The following POLD2 variants were observed in gnomAD, a reference collection of about 807,000 sequenced individuals.
POLD2 encodes the protein DNA polymerase delta 2, accessory subunit.
In POLD2, 31 loss-of-function variants were observed where a neutral mutation model predicts 48.8. The ratio of observed to expected loss-of-function variants is 0.64; its 90% CI spans 0.48 to 0.86. The LOEUF (loss-of-function observed/expected upper bound fraction) is 0.86. Among genes scored for constraint, POLD2 ranks in the 40% least tolerant of loss-of-function variants. POLD2 has a pLI of 0.00. For synonymous variants in POLD2, 233 were observed against 256.3 expected, an observed-to-expected ratio of 0.91 and a Z score of 0.87; for missense variants, 455 against 610.1, an observed-to-expected ratio of 0.75 and a Z score of 2.68.
In POLD2 at chr7:44,117,249, T is replaced by C. The variant is rs112735840; in HGVS notation, c.467-2A>G. ...AGCCAAACACAGCCAGGACAGTCCCTGGGGAGCAGTGGCATCAGGCCTGAG... is the reference window on the plus strand; with the variant it reads ...AGCCAAACACAGCCAGGACAGTCCCCGGGGAGCAGTGGCATCAGGCCTGAG... On this transcript the variant is annotated splice_acceptor_variant, in intron 4 of 10. Coordinates refer to ENST00000610533, the MANE Select transcript of POLD2 (RefSeq NM_006230.4). LOFTEE classifies it high-confidence loss of function. 1 of 1,608,686 alleles carries C rather than the reference T, an allele frequency of 6.2e-7. No individual in the cohort carries two copies. Among genetic ancestry groups the C allele is most frequent in the Non-Finnish European group, 8.5e-7 (1 of 1,175,594 alleles).
In POLD2 at chr7:44,117,143, C is replaced by G; in HGVS notation, c.571G>C (p.Asp191His). ...LAPQKPAPPL[D>H]TDRFVLLVSG... ...AGAACTGCTGCTCACCTATCTGTGTCAAGTGGGGGTGCGGGCTTCTGGGGA... is the reference window on the plus strand; with the variant it reads ...AGAACTGCTGCTCACCTATCTGTGTGAAGTGGGGGTGCGGGCTTCTGGGGA... The change falls in exon 5 of 11, where the codon GAC becomes CAC. Residue 191 changes from aspartate to histidine, a missense_variant. Around this residue, in one of 3 missense-constraint regions of POLD2, gnomAD observed 349 missense variants for 437.4 expected, o/e 0.80. Coordinates refer to ENST00000610533, the MANE Select transcript of POLD2 (RefSeq NM_006230.4). The G allele has an allele frequency of 6.2e-7, 1 of 1,613,874 alleles. No homozygotes were observed. The highest frequency in any genetic ancestry group is 8.5e-7 in the Non-Finnish European group (1 of 1,179,782).
At chr7:44,124,251 A>G (rs180947033), upstream of POLD2, 3,151 of 143,118 alleles carry the variant, frequency 0.022, 46 homozygotes, top group Non-Finnish European at 0.034. Flanking sequence ...GCTGTCTCCC[A>G]CTTTGGGAAT....
intron 2 of POLD2, among the ~76,000 whole-genome samples, chr7:44,118,622 C>T (rs1430176942): frequency 2.0e-5 from 3 of 152,232 alleles, no homozygotes; most frequent in African/African-American, 7.2e-5. Flanking sequence ...ACGCCATTCT[C>T]CTGCCTCAGC....
rs149901303 is a variant in POLD2 at position 44,116,680 on chromosome 7, G to A, written c.780+137C>T. 12,642 of 1,029,144 alleles carry A rather than the reference G, an allele frequency of 0.012. 103 individuals are homozygous for A. The highest frequency in any genetic ancestry group is 0.014 in the Non-Finnish European group (9,858 of 694,740). The allele number at this position is 1,029,144 out of a possible 1,614,324, so 63.8% of individuals were successfully genotyped here. ...GGCATGAGGAGCCCCATTGCAGGAG[G>A]CCCCAGAGTCACTGCAGGGCGCTTC... is the stretch of plus-strand genomic sequence containing the variant. On this transcript the variant is annotated intron_variant, in intron 6 of 10. Transcript: ENST00000610533. The surrounding 1 kb of genome is among the most constrained non-coding windows in gnomAD (Gnocchi z 6.1).
Position 44,116,842 on chromosome 7 carries a change from G to A in POLD2, c.755C>T (p.Thr252Ile). 6.2e-7 allele frequency: 1 copy of A among 1,613,910 alleles called. No individual in the cohort carries two copies. Among genetic ancestry groups the A allele is most frequent in the Non-Finnish European group, 8.5e-7 (1 of 1,180,010 alleles). ...CTTATTGATAGAATCCCTGCTCTGG[G>A]TGCTGTGGCTGAGGAGGTTGCCAGC... is the stretch of plus-strand genomic sequence containing the variant. ...ILAGNLLSHSTQSRDSINKAK... is the reference protein window; with the variant it reads ...ILAGNLLSHSIQSRDSINKAK... Residue 252 changes from threonine (T) to isoleucine (I), a missense_variant, in exon 6 of 11, where the codon ACC becomes ATC. Thr to Ile is a moderately conservative substitution (Grantham distance 89). Transcript: ENST00000610533. This position sits in a 1 kb window ranked among gnomAD's most constrained non-coding sequence, Gnocchi z 6.1.
rs1329980194 is a variant in POLD2, at chr7:44,118,015, C to A, written c.270G>T (p.Lys90Asn). ...KKLCELQPEEKCCVVGTLFKA... is the reference protein window; with the variant it reads ...KKLCELQPEENCCVVGTLFKA... ...TGAACAGAGTGCCCACCACACAGCA[C>A]TTCTCCTCAGGCTGCAGTTCACACA... is the stretch of plus-strand genomic sequence containing the variant. The change falls in exon 3 of 11, where the codon AAG (lysine) becomes AAT (asparagine). Residue 90 changes from lysine to asparagine, a missense_variant. Physicochemically the swap from Lys to Asn is moderately conservative, Grantham distance 94. Transcript: ENST00000610533. 1 of 1,614,254 alleles carries A rather than the reference C, an allele frequency of 6.2e-7. No individual in the cohort carries two copies. The highest frequency in any genetic ancestry group is 1.7e-5 in the Admixed American group (1 of 60,032).
chr7:44,118,558 G>A (rs2096243932), intron 2 of POLD2, among the ~76,000 whole-genome samples: 2 of 152,340 alleles, frequency 1.3e-5, no homozygotes, highest in South Asian at 4.1e-4. Flanking sequence ...TGTCATCCAG[G>A]CTGGAGTGCA....
chr7:44,117,116 C>A lies in POLD2; in HGVS notation c.581+17G>T. 6.2e-7 allele frequency: 1 copy of A among 1,611,326 alleles called. No homozygotes were observed. The highest frequency in any genetic ancestry group is 8.5e-7 in the Non-Finnish European group (1 of 1,177,582). On this transcript the variant is annotated intron_variant, in intron 5 of 10. Coordinates refer to ENST00000610533, the MANE Select transcript of POLD2 (RefSeq NM_006230.4). ...CTGACCATGAGCTGGTTCCAGCTCC[C>A]GAGAACTGCTGCTCACCTATCTGTG...
intron 2 of POLD2, among the ~76,000 whole-genome samples, chr7:44,119,811 A>G (rs1402843930): frequency 6.6e-6 from 1 of 152,266 alleles, no homozygotes; most frequent in Non-Finnish European, 1.5e-5. Flanking sequence ...GAGAACGACA[A>G]CAGGCCATAG....
intron 4 of POLD2, 117 bp downstream of exon 4, chr7:44,117,502 C>A: frequency 2.3e-6 from 3 of 1,286,656 alleles, no homozygotes; most frequent in Admixed American, 2.1e-5. Context: ...CAAGAACACA[C>A]GTGTGCCCAG....
rs3087368 is a variant in POLD2 at position 44,114,893 on chromosome 7, C to T, written c.1302G>A (p.Thr434=). 35,423 of 1,613,602 alleles carry T rather than the reference C, an allele frequency of 0.022. 499 individuals are homozygous for T. The highest frequency in any genetic ancestry group is 0.057 in the Middle Eastern group (348 of 6,062). ...LLVTVPDFSA[T]QTACLVNLRS... ...GCAGGTTCACAAGGCAGGCGGTCTG[C>T]GTGGCACTGAAGTCAGGGACAGTCA... is the stretch of plus-strand genomic sequence containing the variant. The change falls in exon 11 of 11, where the codon ACG becomes ACA. Residue 434 remains threonine (T), a synonymous_variant. Coordinates refer to ENST00000610533, the MANE Select transcript of POLD2 (RefSeq NM_006230.4).
rs546429678 is a variant in POLD2 at position 44,117,980 on chromosome 7, G to C, written c.305C>G (p.Pro102Arg). The C allele has an allele frequency of 3.0e-5, 48 of 1,614,050 alleles. No homozygotes were observed. In the Middle Eastern group the frequency reaches 1.2e-3, roughly 39 times the overall value. ...CTCCCGCAGGATGGAGGGCTGCAGCGGCATGGCCTTGAACAGAGTGCCCAC... is the reference window on the plus strand; with the variant it reads ...CTCCCGCAGGATGGAGGGCTGCAGCCGCATGGCCTTGAACAGAGTGCCCAC... ...CVVGTLFKAM[P>R]LQPSILREVS... The change falls in exon 3 of 11, where the codon CCG (proline) becomes CGG (arginine). Residue 102 changes from proline (P) to arginine (R), a missense_variant. Physicochemically the swap from Pro to Arg is moderately radical, Grantham distance 103. Coordinates refer to ENST00000610533, the MANE Select transcript of POLD2 (RefSeq NM_006230.4).
rs1296385640 is a variant in POLD2 at position 44,116,395 on chromosome 7, A to G, written c.861+35T>C. 1 of 1,576,422 alleles carries G rather than the reference A, an allele frequency of 6.3e-7. No individual in the cohort carries two copies. Among genetic ancestry groups the G allele is most frequent in the East Asian group, 2.3e-5 (1 of 42,984 alleles). ...CCCAGTGGCAGCTTTGAAGACTGCA[A>G]TCCCCATCACCCCTCCAGCCCCCAG... On this transcript the variant is annotated intron_variant, in intron 7 of 10. Transcript: ENST00000610533. The surrounding 1 kb of genome is among the most constrained non-coding windows in gnomAD (Gnocchi z 6.1).
rs966293764 is a variant in POLD2, at chr7:44,121,087, C to G, written c.220+747G>C. ...CAAGGACAGTAAAAATGAGTAAGAC[C>G]TGGTCTCACCTACTAAATCCTCAGT... On this transcript the variant is annotated intron_variant, in intron 2 of 10. Transcript: ENST00000610533. The surrounding 1 kb of genome is among the most constrained non-coding windows in gnomAD (Gnocchi z 4.5). Among the ~76,000 whole-genome samples the G allele has an allele frequency of 6.6e-6, 1 of 152,118 alleles. No homozygotes were observed. The highest frequency in any genetic ancestry group is 1.5e-5 in the Non-Finnish European group (1 of 68,030).
Position 44,117,669 on chromosome 7 carries a change from A to C in POLD2, c.416T>G (p.Leu139Arg). 6.2e-7 allele frequency: 1 copy of C among 1,611,514 alleles called. No homozygotes were observed. The highest frequency in any genetic ancestry group is 8.5e-7 in the Non-Finnish European group (1 of 1,178,898). The change falls in exon 4 of 11, where the codon CTG becomes CGG. Residue 139 changes from leucine (L) to arginine (R), a missense_variant. By Grantham distance (102) the Leu-to-Arg change is moderately radical (BLOSUM62 -2). Transcript: ENST00000610533. ...GGTGCCTTTTAGTTTGATACGCTGCAGTTCATCTTCCAAGACCAGCTCGTC... is the reference window on the plus strand; with the variant it reads ...GGTGCCTTTTAGTTTGATACGCTGCCGTTCATCTTCCAAGACCAGCTCGTC... ...PDDELVLEDE[L>R]QRIKLKGTID...
intron 3 of POLD2, 44 bp downstream of exon 3, chr7:44,117,899 G>C: frequency 6.2e-7 from 1 of 1,606,972 alleles, no homozygotes; most frequent in Non-Finnish European, 8.5e-7. Flanking sequence ...CTAGTGGGAG[G>C]CCAGGTCTGC....
rs2096241489 is a variant in POLD2, at chr7:44,117,239, G to A, written c.475C>T (p.Leu159=). 1.2e-6 allele frequency: 2 copies of A among 1,613,096 alleles called. No individual in the cohort carries two copies. Among genetic ancestry groups the A allele is most frequent in the Admixed American group, 1.7e-5 (1 of 59,944 alleles). ...DVSKLVTGTV[L]AVFGSVRDDG... is the part of the protein sequence containing the mutation. ...TCTCTCACGGAGCCAAACACAGCCA[G>A]GACAGTCCCTGGGGAGCAGTGGCAT... The change falls in exon 5 of 11, where the codon CTG becomes TTG. Residue 159 remains leucine, a synonymous_variant. Transcript: ENST00000610533.
At chr7:44,122,483 T>C in intron 1 of POLD2, 1 of 1,017,734 alleles carries the variant, frequency 9.8e-7, no homozygotes, top group Non-Finnish European at 1.2e-6. Flanking sequence ...AGACAAGAGG[T>C]CTGCCTTATT....
rs888630793 is a variant in POLD2 at position 44,123,500 on chromosome 7, A to G, written c.-57+11T>C. On this transcript the variant is annotated intron_variant, in intron 1 of 10. Transcript: ENST00000610533. Reference sequence around the variant, plus strand: ...CCCCCAGCTGACCCCGTTTCCCTGGACCCCACTCACCGCGCGGCGCGCCGC... The same window carrying G: ...CCCCCAGCTGACCCCGTTTCCCTGGGCCCCACTCACCGCGCGGCGCGCCGC... 1.3e-6 allele frequency: 2 copies of G among 1,487,176 alleles called. No individual in the cohort carries two copies. The highest frequency in any genetic ancestry group is 1.5e-5 in the African/African-American group (1 of 68,222). The allele number at this position is 1,487,176 out of a possible 1,614,324, so 92.1% of individuals were successfully genotyped here.
Sources: gnomAD v4.1 joint callset for allele counts (sites outside exome capture counted in the v4.1 genomes callset) on GRCh38, gnomAD v4.1.1 for gene constraint, gnomAD v4.1.1 regional missense constraint, Gnocchi (gnomAD v3.1) non-coding constraint, MANE v1.5 for transcripts, NCBI Gene and HGNC (gene_info 2026-07-23, HGNC 2026-07-21) for gene names.